The following TNN variants were observed in gnomAD, a reference collection of about 807,000 sequenced individuals.
The protein encoded by TNN is tenascin N.
TNN carries 122 observed loss-of-function variants against 134.4 expected under a neutral mutation model. That is an observed-to-expected ratio of 0.91 (90% CI 0.78 to 1.06). The LOEUF (loss-of-function observed/expected upper bound fraction) is 1.06, where lower values mean the gene tolerates loss of function less well. Ranked by LOEUF, TNN falls within the 50% of genes least tolerant of loss-of-function variation. The probability of loss-of-function intolerance (pLI) is 0.00; values close to 1 mark genes in which losing one functional copy is unlikely to be tolerated. For missense variants in TNN, 1,739 were observed against 1,699.4 expected (o/e 1.02, Z -0.41); for synonymous variants, 710 against 670.3 (o/e 1.06, Z -0.91).
rs150424169 is a variant in TNN, at chr1:175,143,026, C to T, written c.3596-1361C>T. Among the ~76,000 whole-genome samples the T allele has an allele frequency of 5.1e-3, 780 of 152,264 alleles. 20 individuals are homozygous for T. Among genetic ancestry groups the T allele is most frequent in the Admixed American group, 0.046 (703 of 15,294 alleles). Reference sequence around the variant, plus strand: ...CTCTTGCTAGCGTGCAAGAAGCCCCCCATTGAAACAAGGAAGGCATAGGTG... The same window carrying T: ...CTCTTGCTAGCGTGCAAGAAGCCCCTCATTGAAACAAGGAAGGCATAGGTG... On this transcript the variant is annotated intron_variant, in intron 17 of 18. Coordinates refer to ENST00000239462, the MANE Select transcript of TNN (RefSeq NM_022093.2).
intron 9 of TNN, among the ~76,000 whole-genome samples, chr1:175,101,482 C>T (rs964065513): frequency 4.7e-5 from 7 of 149,546 alleles, no homozygotes; most frequent in Non-Finnish European, 8.9e-5. Context: ...GAAGGGGACC[C>T]GAGAAGGTTG....
At chr1:175,118,938 T>C (rs554731589) in intron 11 of TNN, 114 bp downstream of exon 11, 75 of 1,352,348 alleles carry the variant, frequency 5.5e-5, no homozygotes, top group Non-Finnish European at 6.7e-5. Flanking sequence ...TGCAGACTGT[T>C]TTAGGAGAGT....
At chr1:175,101,133 C>A (rs534568947) in intron 9 of TNN, among the ~76,000 whole-genome samples, 1 of 152,116 alleles carries the variant, frequency 6.6e-6, no homozygotes, top group African/African-American at 2.4e-5. Context: ...AGCTGCGGAC[C>A]CTCGCGGTGA....
chr1:175,070,602 CT>C (rs1323512458), intron 1 of TNN, among the ~76,000 whole-genome samples: 2 of 152,370 alleles, frequency 1.3e-5, no homozygotes, highest in South Asian at 2.1e-4. Flanking sequence ...TTTCCATTCT[CT>C]TCCATACTTA....
intron 15 of TNN, among the ~76,000 whole-genome samples, chr1:175,130,121 T>C (rs187436573): frequency 6.6e-6 from 1 of 152,302 alleles, no homozygotes; most frequent in East Asian, 1.9e-4. Context: ...GCCTGAATGA[T>C]AAAGACTCTC....
intron 15 of TNN, among the ~76,000 whole-genome samples, chr1:175,132,217 T>A (rs940835293): frequency 6.6e-5 from 10 of 152,102 alleles, no homozygotes; most frequent in Non-Finnish European, 1.3e-4. Context: ...GTTCTCAGAG[T>A]CTTTGAAAAT....
intron 12 of TNN, 148 bp from the exon 13 acceptor site, chr1:175,126,807 G>A: frequency 1.3e-6 from 1 of 795,510 alleles, no homozygotes; most frequent in Non-Finnish European, 1.9e-6. Flanking sequence ...AGGCCCTGTG[G>A]CAGGGAGGAA....
At chr1:175,102,040 G>A (rs1249761697) in intron 9 of TNN, among the ~76,000 whole-genome samples, 24 of 135,734 alleles carry the variant, frequency 1.8e-4, no homozygotes, top group South Asian at 7.8e-4. Context: ...CAGGGTGCTG[G>A]TTGGGGTATT....
chr1:175,126,768 G>A (rs1251721963), intron 12 of TNN, among the ~76,000 whole-genome samples, 187 bp from the exon 13 acceptor site: 1 of 152,156 alleles, frequency 6.6e-6, no homozygotes, highest in African/African-American at 2.4e-5. Context: ...TCTCTAATGG[G>A]TCTGTACTTG....
chr1:175,123,247 G>C (rs762044109), intron 11 of TNN, among the ~76,000 whole-genome samples, 153 bp from the exon 12 acceptor site: 1 of 152,176 alleles, frequency 6.6e-6, no homozygotes, highest in Non-Finnish European at 1.5e-5. Flanking sequence ...TTGTTTCCTT[G>C]GAAATGGAGA....
chr1:175,069,199 A>C (rs1237711249), intron 1 of TNN, among the ~76,000 whole-genome samples: 1 of 152,224 alleles, frequency 6.6e-6, no homozygotes, highest in Non-Finnish European at 1.5e-5. Context: ...AGGTGTCACC[A>C]AGGCATCAGA....
chr1:175,125,647 C>CTCCT (rs201757700), intron 12 of TNN, among the ~76,000 whole-genome samples: 1 of 139,228 alleles, frequency 7.2e-6, no homozygotes, highest in African/African-American at 2.6e-5. Context: ...TTTTCTCTCT[C>CTCCT]TCCTTCCTTC....
intron 16 of TNN, among the ~76,000 whole-genome samples, chr1:175,136,497 A>G (rs996938229): frequency 6.6e-6 from 1 of 152,212 alleles, no homozygotes; most frequent in African/African-American, 2.4e-5. Context: ...TCTTAGGATG[A>G]GTCGTTGACC....
intron 4 of TNN, among the ~76,000 whole-genome samples, chr1:175,080,806 T>A (rs528753000): frequency 6.7e-4 from 102 of 152,294 alleles, no homozygotes; most frequent in Admixed American, 1.4e-3. Flanking sequence ...ATCAGTTAGA[T>A]TCATCTTCGT....
chr1:175,097,356 C>A, intron 7 of TNN, 61 bp from the exon 8 acceptor site: 1 of 1,592,836 alleles, frequency 6.3e-7, no homozygotes, highest in Non-Finnish European at 8.6e-7. Context: ...TGTGTTCGTG[C>A]TGTCTTTATG....
At chr1:175,080,994 GA>G (rs1205300128) in intron 4 of TNN, among the ~76,000 whole-genome samples, 2 of 152,230 alleles carry the variant, frequency 1.3e-5, no homozygotes, top group African/African-American at 4.8e-5. Flanking sequence ...GAGAGCTGTA[GA>G]AAAGAGCTGC....
At chr1:175,125,752 TCTTTCTCTCTCTCTCC>T (rs1675506213) in intron 12 of TNN, among the ~76,000 whole-genome samples, 1 of 139,242 alleles carries the variant, frequency 7.2e-6, no homozygotes. Context: ...TTTCTTTCTT[TCTTTCTCTCTCTCTCC>T]CTCCCTTTCT....
chr1:175,102,660 C>T (rs554485547), intron 9 of TNN, among the ~76,000 whole-genome samples: 2 of 145,900 alleles, frequency 1.4e-5, no homozygotes, highest in Non-Finnish European at 3.0e-5. Context: ...CATGCGCAGC[C>T]CTGGTTCCCA....
chr1:175,122,164 G>A (rs139802472), intron 11 of TNN, among the ~76,000 whole-genome samples: 42 of 151,864 alleles, frequency 2.8e-4, no homozygotes, highest in Non-Finnish European at 2.6e-4. Context: ...GCTGAGGTAG[G>A]TGAATTGCTT....
Sources: allele counts gnomAD v4.1 joint callset (sites outside exome capture counted in the v4.1 genomes callset), GRCh38; gene constraint gnomAD v4.1.1; transcripts MANE v1.5; gene names NCBI Gene and HGNC (gene_info 2026-07-23, HGNC 2026-07-21).